The following THRB variants were observed in gnomAD, a reference collection of about 807,000 sequenced individuals.
The protein encoded by THRB is nuclear receptor subfamily 1 group A member 2.
In THRB, 12 loss-of-function variants were observed where a neutral mutation model predicts 47.8. That is an observed-to-expected ratio of 0.25 (90% CI 0.16 to 0.41). The LOEUF (loss-of-function observed/expected upper bound fraction) is 0.41, where lower values mean the gene tolerates loss of function less well. THRB is among the 10% of genes least tolerant of loss of function. The pLI, the probability that THRB is intolerant of heterozygous loss-of-function variation, is 1.00. For missense variants in THRB, 348 were observed against 589.2 expected (o/e 0.59, Z 4.24); for synonymous variants, 218 against 212.2 (o/e 1.03, Z -0.24).
intron 1 of THRB, among the ~76,000 whole-genome samples, chr3:24,372,161 G>A (rs2149757230): frequency 6.6e-6 from 1 of 152,152 alleles, no homozygotes; most frequent in African/African-American, 2.4e-5. Flanking sequence ...AGGAGTAGGA[G>A]TACTGGGTGT....
rs1171063462 is a variant in THRB at position 24,122,447 on chromosome 3, TC to T, written c.*436del. ...TTTCCCTAAAAGGCTGAAAGCCACA[TC>T]TAACTAAAGGTGGTCTGTGCTCTGT... On this transcript the variant is annotated 3_prime_UTR_variant, in exon 11 of 11. Transcript: ENST00000646209. 4.4e-6 allele frequency: 1 copy of T among 226,328 alleles called. No homozygotes were observed. Among genetic ancestry groups the T allele is most frequent in the Non-Finnish European group, 8.8e-6 (1 of 113,162 alleles). 14.0% of individuals were successfully genotyped at this position (226,328 alleles called of 1,614,324 possible).
At chr3:24,471,289 G>A (rs555920772) in intron 1 of THRB, among the ~76,000 whole-genome samples, 1 of 152,312 alleles carries the variant, frequency 6.6e-6, no homozygotes, top group South Asian at 2.1e-4. Context: ...CTCTGGGGAT[G>A]TGATGCAGCA....
chr3:24,329,693 G>A (rs1161895610), intron 2 of THRB, among the ~76,000 whole-genome samples: 1 of 152,192 alleles, frequency 6.6e-6, no homozygotes, highest in Non-Finnish European at 1.5e-5. Context: ...AATTGGCCCA[G>A]TTCAAGTGCT....
At chr3:24,314,982 C>T (rs565472928) in intron 2 of THRB, among the ~76,000 whole-genome samples, 5 of 152,004 alleles carry the variant, frequency 3.3e-5, no homozygotes, top group Non-Finnish European at 5.9e-5. Context: ...GATGTATTAC[C>T]CTCCTTCCTC....
intron 3 of THRB, among the ~76,000 whole-genome samples, chr3:24,252,289 A>C (rs1018095454): frequency 6.6e-6 from 1 of 152,108 alleles, no homozygotes; most frequent in Admixed American, 6.6e-5. Flanking sequence ...ATGAAAAGTT[A>C]GCAGATCAAT....
At chr3:24,371,222 C>A (rs2064881889) in intron 1 of THRB, among the ~76,000 whole-genome samples, 1 of 152,040 alleles carries the variant, frequency 6.6e-6, no homozygotes, top group African/African-American at 2.4e-5. Context: ...GCACTCCTCC[C>A]AAAAAGGTAT....
intron 2 of THRB, among the ~76,000 whole-genome samples, chr3:24,332,347 A>C (rs998094584): frequency 1.3e-5 from 2 of 152,214 alleles, no homozygotes; most frequent in Admixed American, 1.3e-4. Context: ...TGACGATAGA[A>C]CCACGACCCC....
At chr3:24,475,781 T>C (rs1282289134) in intron 1 of THRB, among the ~76,000 whole-genome samples, 1 of 152,184 alleles carries the variant, frequency 6.6e-6, no homozygotes, top group Non-Finnish European at 1.5e-5. Context: ...CATCAACTGT[T>C]TAAAAATGTC....
intron 5 of THRB, among the ~76,000 whole-genome samples, chr3:24,153,308 G>C (rs2037308334): frequency 6.6e-6 from 1 of 152,144 alleles, no homozygotes; most frequent in African/African-American, 2.4e-5. Context: ...ATTACAGGCA[G>C]GACTAAAACC....
At chr3:24,310,457 C>A (rs892063525) in intron 2 of THRB, among the ~76,000 whole-genome samples, 3 of 152,204 alleles carry the variant, frequency 2.0e-5, no homozygotes, top group Non-Finnish European at 2.9e-5. Context: ...TGCTCTACAG[C>A]AGTGATTCTC....
chr3:24,139,180 A>G (rs2035096896), intron 8 of THRB, among the ~76,000 whole-genome samples: 1 of 152,194 alleles, frequency 6.6e-6, no homozygotes, highest in Non-Finnish European at 1.5e-5. Context: ...AGTAGATTGG[A>G]GAAAACTAGA....
At chr3:24,202,903 G>A (rs1048451567) in intron 4 of THRB, among the ~76,000 whole-genome samples, 3 of 152,194 alleles carry the variant, frequency 2.0e-5, no homozygotes, top group African/African-American at 7.2e-5. Context: ...TAAAGCATTT[G>A]TCACAGTCAC....
At chr3:24,428,840 G>T (rs2070058570) in intron 1 of THRB, among the ~76,000 whole-genome samples, 1 of 150,384 alleles carries the variant, frequency 6.6e-6, no homozygotes, top group Non-Finnish European at 1.5e-5. Flanking sequence ...ACCTTAAATG[G>T]TTCATTTTAG....
chr3:24,474,224 C>G (rs1346514812), intron 1 of THRB, among the ~76,000 whole-genome samples: 1 of 151,952 alleles, frequency 6.6e-6, no homozygotes, highest in Non-Finnish European at 1.5e-5. Flanking sequence ...TCCTGGTTAA[C>G]TGTTAAAAAT....
chr3:24,327,649 C>T (rs1303286574), intron 2 of THRB, among the ~76,000 whole-genome samples: 3 of 152,078 alleles, frequency 2.0e-5, no homozygotes, highest in South Asian at 4.1e-4. Flanking sequence ...TGGATGGAAA[C>T]TAACAACAAA....
At chr3:24,280,565 C>T (rs1246013433) in intron 3 of THRB, among the ~76,000 whole-genome samples, 1 of 152,170 alleles carries the variant, frequency 6.6e-6, no homozygotes, top group Non-Finnish European at 1.5e-5. Context: ...TCCTCACCAG[C>T]AACAGAACAA....
At chr3:24,152,297 T>C in intron 6 of THRB, 93 bp downstream of exon 6, 1 of 727,172 alleles carries the variant, frequency 1.4e-6, no homozygotes, top group Non-Finnish European at 2.5e-6. Flanking sequence ...TTGATTTTAA[T>C]TTGAATTTAA....
At chr3:24,189,796 C>T (rs2043098234) in intron 5 of THRB, among the ~76,000 whole-genome samples, 1 of 152,208 alleles carries the variant, frequency 6.6e-6, no homozygotes, top group Admixed American at 6.5e-5. Context: ...AAAGCCAAAA[C>T]TTACAACCCC....
intron 1 of THRB, among the ~76,000 whole-genome samples, chr3:24,453,722 G>A (rs1256744404): frequency 6.6e-6 from 1 of 152,262 alleles, no homozygotes; most frequent in East Asian, 1.9e-4. Flanking sequence ...GGTCTCTAAG[G>A]TGTATGTAAA....
Sources: gnomAD v4.1 joint callset for allele counts (sites outside exome capture counted in the v4.1 genomes callset) on GRCh38, gnomAD v4.1.1 for gene constraint, MANE v1.5 for transcripts, NCBI Gene and HGNC (gene_info 2026-07-23, HGNC 2026-07-21) for gene names.